FBLN1: variants seen among roughly 807,000 people sequenced by gnomAD.
The protein encoded by FBLN1 is fibulin-1.
In FBLN1, 34 loss-of-function variants were observed where a neutral mutation model predicts 89.7. The ratio of observed to expected loss-of-function variants is 0.38; its 90% confidence interval spans 0.29 to 0.50. FBLN1 has a LOEUF of 0.50. Among genes scored for constraint, FBLN1 ranks in the 20% least tolerant of loss-of-function variants. FBLN1 has a pLI of 0.92. For synonymous variants in FBLN1, 393 were observed against 391.3 expected, an observed-to-expected ratio of 1.00 and a Z score of -0.05; for missense variants, 777 against 988.1, an observed-to-expected ratio of 0.79 and a Z score of 2.86.
At chr22:45,568,470 T>G (rs377713381) in intron 14 of FBLN1, among the ~76,000 whole-genome samples, 1 of 129,126 alleles carries the variant, frequency 7.7e-6, no homozygotes, top group Non-Finnish European at 1.6e-5. Context: ...AGGGGAGTGC[T>G]CCTTCTGTAG....
chr22:45,595,353 A>T (rs2089175094), intron 16 of FBLN1, among the ~76,000 whole-genome samples: 1 of 152,188 alleles, frequency 6.6e-6, no homozygotes, highest in African/African-American at 2.4e-5. Context: ...GCAGCCGTAC[A>T]GTCTGTTGTT....
chr22:45,565,382 G>T (rs1196052551), intron 14 of FBLN1: 2 of 938,840 alleles, frequency 2.1e-6, no homozygotes, highest in Non-Finnish European at 1.4e-6. Context: ...GGCCCCACGG[G>T]GAGGCTTGCC....
chr22:45,514,477 A>G (rs1280300825), intron 1 of FBLN1, among the ~76,000 whole-genome samples: 1 of 151,622 alleles, frequency 6.6e-6, no homozygotes, highest in Non-Finnish European at 1.5e-5. Flanking sequence ...AGCCTCAGCC[A>G]CTCCCCCACC....
chr22:45,551,244 G>C (rs2088697469), intron 14 of FBLN1: 1 of 168,764 alleles, frequency 5.9e-6, no homozygotes, highest in South Asian at 1.5e-4. Context: ...ATTGTATTCA[G>C]AAAGTCTCAT....
At chr22:45,589,399 A>C (rs369305597) in intron 16 of FBLN1, among the ~76,000 whole-genome samples, 1 of 152,264 alleles carries the variant, frequency 6.6e-6, no homozygotes, top group East Asian at 1.9e-4. Flanking sequence ...TCCTGACAAC[A>C]TGGAGCACGG....
Position 45,547,128 on chromosome 22 carries a change from C to T in FBLN1, c.1365C>T (p.Ala455=). Residue 455 remains alanine (A), a synonymous_variant, in exon 12 of 17, where the codon GCC becomes GCT. Transcript: ENST00000327858. The stretch of plus-strand genomic sequence containing the variant: ...GCAGCCCCTGTAGCCAGGAGTGTGC[C>T]AACGTCTACGGCTCCTACCAGTGTT... ...CSSSPCSQEC[A]NVYGSYQCYC... The T allele has an allele frequency of 1.2e-6, 2 of 1,614,136 alleles. No homozygotes were observed. Among genetic ancestry groups the T allele is most frequent in the South Asian group, 2.2e-5 (2 of 91,080 alleles).
intron 16 of FBLN1, among the ~76,000 whole-genome samples, chr22:45,589,537 G>T (rs1231161754): frequency 1.3e-5 from 2 of 152,218 alleles, no homozygotes; most frequent in Non-Finnish European, 2.9e-5. Context: ...TCCAGCCTGG[G>T]GGGGCTCTGT....
chr22:45,526,692 G>C (rs1005076129), intron 3 of FBLN1, among the ~76,000 whole-genome samples: 1 of 152,206 alleles, frequency 6.6e-6, no homozygotes, highest in African/African-American at 2.4e-5. Flanking sequence ...GGAGGAGTTG[G>C]GGGTCCCGAG....
intron 6 of FBLN1, 39 bp from the exon 7 acceptor site, chr22:45,533,722 T>A (rs201033702): frequency 6.2e-7 from 1 of 1,604,510 alleles, no homozygotes; most frequent in African/African-American, 1.3e-5. Context: ...GATGGGTCGT[T>A]CTTGCTGGTC....
intron 11 of FBLN1, among the ~76,000 whole-genome samples, chr22:45,543,917 T>C (rs934766753): frequency 6.6e-6 from 1 of 152,204 alleles, no homozygotes; most frequent in African/African-American, 2.4e-5. Context: ...ACACTTGTTT[T>C]GCACAAAGAC....
intron 16 of FBLN1, among the ~76,000 whole-genome samples, chr22:45,585,369 GTTAAAATTATTACCTC>G (rs1273077369): frequency 2.6e-5 from 4 of 152,190 alleles, no homozygotes; most frequent in Non-Finnish European, 5.9e-5. Context: ...AGATCACCTC[GTTAAAATTATTACCTC>G]TTAAGGGGTT....
chr22:45,571,867 A>G (rs2088955912), intron 14 of FBLN1, among the ~76,000 whole-genome samples: 1 of 152,282 alleles, frequency 6.6e-6, no homozygotes, highest in African/African-American at 2.4e-5. Flanking sequence ...GCGGTGGCTC[A>G]CACCTATAAT....
intron 4 of FBLN1, among the ~76,000 whole-genome samples, chr22:45,529,110 C>T (rs1044564474): frequency 1.3e-5 from 2 of 152,208 alleles, no homozygotes; most frequent in African/African-American, 4.8e-5. Flanking sequence ...GCCTTGCTCC[C>T]ACTTCTTGGG....
In FBLN1 at chr22:45,545,515, A is replaced by T. The variant is rs1046907892; in HGVS notation, c.1322-1570A>T. Among the ~76,000 whole-genome samples the T allele has an allele frequency of 2.6e-5, 4 of 152,218 alleles. No individual in the cohort carries two copies. Among genetic ancestry groups the T allele is most frequent in the African/African-American group, 7.2e-5 (3 of 41,448 alleles). ...AAATTGCTGAAAAGTCGGCATTCAT[A>T]TCCACATTAGTGGACAATATTGTGG... is the stretch of plus-strand genomic sequence containing the variant. On this transcript the variant is annotated intron_variant, in intron 11 of 16. Coordinates refer to ENST00000327858, the MANE Select transcript of FBLN1 (RefSeq NM_006486.3). The surrounding 1 kb of genome is among the most constrained non-coding windows in gnomAD (Gnocchi z 5.9).
chr22:45,574,751 GCC>G lies in FBLN1; in HGVS notation c.1840+100_1840+101del. The G allele has an allele frequency of 1.1e-6, 1 of 947,678 alleles. No homozygotes were observed. Among genetic ancestry groups the G allele is most frequent in the East Asian group, 2.6e-5 (1 of 38,418 alleles). The allele number at this position is 947,678 out of a possible 1,614,324, so 58.7% of individuals were successfully genotyped here. On this transcript the variant is annotated intron_variant, in intron 15 of 16. Transcript: ENST00000327858. The surrounding 1 kb of genome is among the most constrained non-coding windows in gnomAD (Gnocchi z 4.1). ...CAGGAGTTGTTCCTTGTAAGATGTG[GCC>G]CAGGCTTTGAAATGCAGAACTTTCT...
In FBLN1 at chr22:45,533,905, C is replaced by T; in HGVS notation, c.784+7C>T. On this transcript the variant is annotated splice_region_variant and intron_variant, in intron 7 of 16. Transcript: ENST00000327858. ...GAGGACAATAGCTGCAAAGGTACAG[C>T]ATGCGCTCCGAGTCTGCAAACCTGG... is the stretch of plus-strand genomic sequence containing the variant. 6.2e-7 allele frequency: 1 copy of T among 1,613,856 alleles called. No individual in the cohort carries two copies.
intron 16 of FBLN1, among the ~76,000 whole-genome samples, chr22:45,596,452 A>T (rs1195463864): frequency 6.6e-6 from 1 of 151,936 alleles, no homozygotes; most frequent in African/African-American, 2.4e-5. Flanking sequence ...GCATGCGCAG[A>T]CCCTCTGTGC....
At chr22:45,546,352 G>A (rs2088627075) in intron 11 of FBLN1, among the ~76,000 whole-genome samples, 1 of 152,172 alleles carries the variant, frequency 6.6e-6, no homozygotes, top group Non-Finnish European at 1.5e-5. Flanking sequence ...GAGAAGTTGT[G>A]ACTACAGGTG....
chr22:45,525,920 G>T (rs189270282), intron 3 of FBLN1, among the ~76,000 whole-genome samples: 2 of 152,356 alleles, frequency 1.3e-5, no homozygotes, highest in East Asian at 3.9e-4. Context: ...GGGGGGTGAA[G>T]TGAGCTGGCC....
Sources: gnomAD v4.1 joint callset for allele counts (sites outside exome capture counted in the v4.1 genomes callset) on GRCh38, gnomAD v4.1.1 for gene constraint, Gnocchi (gnomAD v3.1) non-coding constraint, MANE v1.5 for transcripts, NCBI Gene and HGNC (gene_info 2026-07-23, HGNC 2026-07-21) for gene names.